The following ERI3 variants were observed in gnomAD, a reference collection of about 807,000 sequenced individuals.
ERI3 encodes ERI1 exoribonuclease family member 3, also known as ERI1 exoribonuclease 3.
A neutral mutation model predicts 44.4 loss-of-function variants in ERI3; 18 were observed. The observed-to-expected ratio is 0.41, with a 90% CI of 0.28 to 0.60. ERI3 has a LOEUF of 0.60. Ranked by LOEUF, ERI3 falls within the 20% of genes least tolerant of loss-of-function variation. The probability of loss-of-function intolerance (pLI) is 0.36; values close to 1 mark genes in which losing one functional copy is unlikely to be tolerated. For synonymous variants in ERI3, 183 were observed against 164.8 expected, an observed-to-expected ratio of 1.11 and a Z score of -0.84; for missense variants, 294 against 435.5, an observed-to-expected ratio of 0.68 and a Z score of 2.89.
intron 6 of ERI3, among the ~76,000 whole-genome samples, chr1:44,307,574 T>C (rs1400504296): frequency 1.3e-5 from 2 of 152,120 alleles, no homozygotes; most frequent in African/African-American, 2.4e-5. Context: ...AAGCCATGTA[T>C]CCATGAGGGC....
intron 7 of ERI3, among the ~76,000 whole-genome samples, chr1:44,274,070 T>C (rs1203412472): frequency 6.6e-6 from 1 of 152,160 alleles, no homozygotes; most frequent in Non-Finnish European, 1.5e-5. Flanking sequence ...TCACACCCTT[T>C]CCTGTGCCTT....
intron 4 of ERI3, among the ~76,000 whole-genome samples, chr1:44,317,503 G>C (rs1646114728): frequency 6.6e-6 from 1 of 152,146 alleles, no homozygotes. Flanking sequence ...GGGAGAGACA[G>C]AAAATAACTC....
At chr1:44,283,294 C>A (rs1485818423) in intron 7 of ERI3, among the ~76,000 whole-genome samples, 3 of 152,190 alleles carry the variant, frequency 2.0e-5, no homozygotes, top group Admixed American at 6.5e-5. Flanking sequence ...CCTGGCCTAG[C>A]CACTGGAGAC....
intron 7 of ERI3, 31 bp from the exon 8 acceptor site, chr1:44,248,069 G>C: frequency 1.3e-6 from 2 of 1,567,534 alleles, no homozygotes. Flanking sequence ...GGTTAACGGA[G>C]GCCCTGACCC....
chr1:44,348,720 G>A (rs1043314772), intron 2 of ERI3, among the ~76,000 whole-genome samples: 2 of 152,184 alleles, frequency 1.3e-5, no homozygotes, highest in African/African-American at 4.8e-5. Flanking sequence ...ATCTGGACAC[G>A]GCATGCATCA....
intron 6 of ERI3, among the ~76,000 whole-genome samples, chr1:44,303,923 G>A (rs1355438559): frequency 2.0e-5 from 3 of 152,184 alleles, no homozygotes; most frequent in Non-Finnish European, 2.9e-5. Flanking sequence ...GACTAGGGCA[G>A]GGCAGTAGGG....
chr1:44,260,797 T>C (rs1644878719), intron 7 of ERI3, among the ~76,000 whole-genome samples: 1 of 143,484 alleles, frequency 7.0e-6, no homozygotes, highest in Non-Finnish European at 1.5e-5. Flanking sequence ...GCTTATACTA[T>C]ATTTCCCCAC....
intron 2 of ERI3, among the ~76,000 whole-genome samples, chr1:44,351,650 T>C (rs1646892649): frequency 1.3e-5 from 2 of 152,314 alleles, no homozygotes; most frequent in South Asian, 4.1e-4. Context: ...TAATCTTTTT[T>C]CTACTCCCTG....
At chr1:44,349,701 A>T (rs1184423891) in intron 2 of ERI3, among the ~76,000 whole-genome samples, 1 of 152,212 alleles carries the variant, frequency 6.6e-6, no homozygotes, top group African/African-American at 2.4e-5. Flanking sequence ...ATTAGTGATA[A>T]AAGTTATCAA....
chr1:44,314,229 G>C (rs575787542), intron 4 of ERI3, among the ~76,000 whole-genome samples: 84 of 151,958 alleles, frequency 5.5e-4, no homozygotes, highest in African/African-American at 1.9e-3. Flanking sequence ...CACAGAAATT[G>C]CTGGCTCTAA....
At chr1:44,279,206 A>C (rs532975566) in intron 7 of ERI3, among the ~76,000 whole-genome samples, 4 of 151,712 alleles carry the variant, frequency 2.6e-5, no homozygotes, top group Non-Finnish European at 4.4e-5. Context: ...TTTAATTATC[A>C]ATCACAGACC....
chr1:44,223,076 A>G (rs1407886516), intron 8 of ERI3, among the ~76,000 whole-genome samples: 1 of 152,208 alleles, frequency 6.6e-6, no homozygotes, highest in Non-Finnish European at 1.5e-5. Context: ...CGCAGAGATC[A>G]GCATGGACGC....
intron 8 of ERI3, among the ~76,000 whole-genome samples, chr1:44,240,439 C>T (rs986303882): frequency 5.9e-5 from 9 of 152,096 alleles, no homozygotes; most frequent in African/African-American, 1.9e-4. Context: ...GGTGACATGT[C>T]GCGTGTCTGC....
chr1:44,280,141 A>C (rs1572176967), intron 7 of ERI3, among the ~76,000 whole-genome samples: 1 of 152,224 alleles, frequency 6.6e-6, no homozygotes, highest in East Asian at 1.9e-4. Context: ...CTATAAGCAA[A>C]CTTCGGGGTT....
chr1:44,267,248 G>C (rs1444460291), intron 7 of ERI3, among the ~76,000 whole-genome samples: 1 of 152,138 alleles, frequency 6.6e-6, no homozygotes, highest in Non-Finnish European at 1.5e-5. Context: ...GGATGAAGAG[G>C]GGAAGATCTG....
chr1:44,278,855 G>A (rs990154206), intron 7 of ERI3, among the ~76,000 whole-genome samples: 7 of 152,196 alleles, frequency 4.6e-5, no homozygotes, highest in Middle Eastern at 3.4e-3. Flanking sequence ...TGCCCACCTC[G>A]GCCTCCCAAA....
At chr1:44,344,015 G>A (rs1205352610) in intron 2 of ERI3, among the ~76,000 whole-genome samples, 1 of 152,058 alleles carries the variant, frequency 6.6e-6, no homozygotes, top group East Asian at 1.9e-4. Context: ...AAGGCAGGCA[G>A]ATCGCTTGAG....
chr1:44,308,159 AG>A, intron 6 of ERI3, 150 bp downstream of exon 6: 1 of 658,774 alleles, frequency 1.5e-6, no homozygotes. Flanking sequence ...GGCAGAAGGC[AG>A]GGCTCCCAAC....
chr1:44,264,187 G>T (rs558652964), intron 7 of ERI3, among the ~76,000 whole-genome samples: 1 of 152,274 alleles, frequency 6.6e-6, no homozygotes, highest in East Asian at 1.9e-4. Flanking sequence ...GCATGAGCAG[G>T]GCCAATTCTA....
Sources: allele counts gnomAD v4.1 joint callset (sites outside exome capture counted in the v4.1 genomes callset), GRCh38; gene constraint gnomAD v4.1.1; transcripts MANE v1.5; gene names NCBI Gene and HGNC (gene_info 2026-07-23, HGNC 2026-07-21).